The following NEK5 variants were observed in gnomAD, a reference collection of about 807,000 sequenced individuals.
The protein encoded by NEK5 is NIMA related kinase 5.
Under a neutral mutation model 109.2 loss-of-function variants are expected in NEK5, and 88 were observed. That is an observed-to-expected ratio of 0.81 (90% CI 0.68 to 0.96). NEK5 has a LOEUF of 0.96. Ranked by LOEUF, NEK5 falls within the 40% of genes least tolerant of loss-of-function variation. The probability of loss-of-function intolerance (pLI) is 0.00; values close to 1 mark genes in which losing one functional copy is unlikely to be tolerated. For synonymous variants in NEK5, 283 were observed against 299.9 expected, an observed-to-expected ratio of 0.94 and a Z score of 0.58; for missense variants, 834 against 920.7, an observed-to-expected ratio of 0.91 and a Z score of 1.22.
At chr13:52,127,245 C>A in intron 3 of NEK5, 121 bp downstream of exon 3, 1 of 627,326 alleles carries the variant, frequency 1.6e-6, no homozygotes, top group Non-Finnish European at 2.8e-6. Flanking sequence ...GTTGAATTAA[C>A]AAAAATCAAT....
At chr13:52,070,911 G>A (rs1954773761) in intron 20 of NEK5, among the ~76,000 whole-genome samples, 2 of 152,202 alleles carry the variant, frequency 1.3e-5, no homozygotes, top group African/African-American at 4.8e-5. Flanking sequence ...ATTACCCTGT[G>A]TGGTTATTCC....
chr13:52,083,170 C>A (rs1217306089), intron 17 of NEK5, 90 bp downstream of exon 17: 3 of 844,192 alleles, frequency 3.6e-6, no homozygotes, highest in Non-Finnish European at 5.9e-6. Context: ...AAGTTCCCTA[C>A]GTGGTTCTGC....
At chr13:52,080,063 G>A (rs1415962186) in intron 17 of NEK5, among the ~76,000 whole-genome samples, 2 of 150,066 alleles carry the variant, frequency 1.3e-5, no homozygotes, top group Admixed American at 1.3e-4. Flanking sequence ...CCTCCGCCCG[G>A]CAGCCGCCCG....
At chr13:52,063,708 G>A (rs541386955) in intron 21 of NEK5, among the ~76,000 whole-genome samples, 8 of 151,306 alleles carry the variant, frequency 5.3e-5, no homozygotes, top group Admixed American at 2.6e-4. Flanking sequence ...TGTGAGAAGC[G>A]CCTCTGCCCG....
At chr13:52,055,295 T>G (rs1954544389) in intron 22 of NEK5, among the ~76,000 whole-genome samples, 1 of 152,094 alleles carries the variant, frequency 6.6e-6, no homozygotes, top group Non-Finnish European at 1.5e-5. Context: ...AATATGGGAC[T>G]ATGTGAAAAG....
chr13:52,068,244 A>G (rs1391518983), intron 20 of NEK5, among the ~76,000 whole-genome samples: 2 of 151,936 alleles, frequency 1.3e-5, no homozygotes, highest in East Asian at 3.9e-4. Context: ...CTTACTGTCC[A>G]CCCTCCTTAT....
intron 23 of NEK5, among the ~76,000 whole-genome samples, chr13:52,038,825 GAAAAAAA>G (rs1183060212): frequency 3.2e-5 from 3 of 94,566 alleles, no homozygotes; most frequent in Non-Finnish European, 6.0e-5. Context: ...ACACTCATCT[GAAAAAAA>G]AAAAAAAAAA....
chr13:52,127,508 GAATTAGAGTAATGTA>G lies in NEK5; in HGVS notation c.-22-19_-22-5del. 1 of 1,177,616 alleles carries G rather than the reference GAATTAGAGTAATGTA, an allele frequency of 8.5e-7. No individual in the cohort carries two copies. Among genetic ancestry groups the G allele is most frequent in the South Asian group, 1.2e-5 (1 of 80,606 alleles). 72.9% of individuals were successfully genotyped at this position (1,177,616 alleles called of 1,614,324 possible). ...GGTCTCCAATGGGCTGAGTTTCCTG[GAATTAGAGTAATGTA>G]AATTTATCACACACGTCTCATAAAG... On this transcript the variant is annotated splice_polypyrimidine_tract_variant and splice_region_variant and intron_variant, in intron 2 of 23. Coordinates refer to ENST00000684899, the MANE Select transcript of NEK5 (RefSeq NM_001365552.1).
In NEK5 at chr13:52,050,219, T is replaced by A; in HGVS notation, c.2113A>T (p.Met705Leu). 1 of 975,768 alleles carries A rather than the reference T, an allele frequency of 1.0e-6. No individual in the cohort carries two copies. The highest frequency in any genetic ancestry group is 1.2e-6 in the Non-Finnish European group (1 of 820,732). 60.4% of individuals were successfully genotyped at this position (975,768 alleles called of 1,614,324 possible). The change falls in exon 23 of 24, where the codon ATG becomes TTG. Residue 705 changes from methionine (M) to leucine (L), a missense_variant and splice_region_variant. By Grantham distance (15) the Met-to-Leu change is conservative (BLOSUM62 2). Around this residue, in one of 2 missense-constraint regions of NEK5, gnomAD observed 777 missense variants for 824.7 expected, o/e 0.94. Coordinates refer to ENST00000684899, the MANE Select transcript of NEK5 (RefSeq NM_001365552.1). ...GGTAGCCATTGTTTTAATGTTCCCA[T>A]TGCTAAAGAAATGACAGAGAAAGAT... ...SSFSADEEFA[M>L]GTLKQWLPKE...
chr13:52,047,802 T>C (rs979295008), intron 23 of NEK5, among the ~76,000 whole-genome samples: 1 of 151,746 alleles, frequency 6.6e-6, no homozygotes, highest in South Asian at 2.1e-4. Flanking sequence ...ATGATCATGC[T>C]GCCACACTCC....
chr13:52,060,222 C>T (rs1954599851), intron 22 of NEK5, among the ~76,000 whole-genome samples: 1 of 151,940 alleles, frequency 6.6e-6, no homozygotes, highest in Non-Finnish European at 1.5e-5. Flanking sequence ...AATAAAATGT[C>T]CTGTTCCACA....
intron 23 of NEK5, among the ~76,000 whole-genome samples, chr13:52,039,312 C>G (rs960145627): frequency 5.3e-5 from 8 of 152,102 alleles, no homozygotes; most frequent in African/African-American, 1.9e-4. Context: ...AGGAAGCTGA[C>G]CAGGCTTAGG....
At chr13:52,066,569 G>A (rs960097705) in intron 20 of NEK5, among the ~76,000 whole-genome samples, 2 of 152,050 alleles carry the variant, frequency 1.3e-5, no homozygotes, top group African/African-American at 4.8e-5. Context: ...ACTTTGGGAG[G>A]CCGAGGCGGG....
At chr13:52,125,802 A>C (rs1956054559) in intron 3 of NEK5, among the ~76,000 whole-genome samples, 1 of 152,166 alleles carries the variant, frequency 6.6e-6, no homozygotes, top group Admixed American at 6.5e-5. Context: ...CAGTCAGATA[A>C]ACAAAAGAGA....
chr13:52,042,482 T>G (rs1225254834), intron 23 of NEK5, among the ~76,000 whole-genome samples: 1 of 150,466 alleles, frequency 6.6e-6, no homozygotes, highest in Non-Finnish European at 1.5e-5. Flanking sequence ...AAAAAAAAAG[T>G]GTGGGGGACA....
At chr13:52,063,225 G>A (rs374089867) in intron 21 of NEK5, among the ~76,000 whole-genome samples, 6 of 152,166 alleles carry the variant, frequency 3.9e-5, no homozygotes, top group Non-Finnish European at 5.9e-5. Flanking sequence ...GACACGCGTC[G>A]CCACGCCTGA....
chr13:52,062,423 C>T (rs971018411), intron 21 of NEK5, among the ~76,000 whole-genome samples: 8 of 151,018 alleles, frequency 5.3e-5, no homozygotes, highest in Admixed American at 2.0e-4. Flanking sequence ...TCTTTTTTTT[C>T]TTTCTTTCTT....
At position 52,079,640 on chromosome 13, in the gene NEK5, C is replaced by T. The variant is rs1218816722; in HGVS notation, c.1573-3497G>A. On this transcript the variant is annotated intron_variant, in intron 17 of 23. Coordinates refer to ENST00000684899, the MANE Select transcript of NEK5 (RefSeq NM_001365552.1). ...AGGCTGGAGCGCAGTGGCGTGATCT[C>T]GGCTGGCTACAACCTCCACCTCCCA... 3.3e-5 allele frequency among the ~76,000 whole-genome samples: 5 copies of T among 152,402 alleles called. No individual in the cohort carries two copies. In the South Asian group the frequency reaches 8.3e-4, roughly 25 times the overall value.
In NEK5 at chr13:52,071,941, T is replaced by A; in HGVS notation, c.1849+3A>T. 1 of 1,613,212 alleles carries A rather than the reference T, an allele frequency of 6.2e-7. No individual in the cohort carries two copies. The stretch of plus-strand genomic sequence containing the variant: ...TCATTTACAACTTTCAAGAAACACA[T>A]ACCTGCTTCTGGGCAGTGAAGTTTT... On this transcript the variant is annotated splice_donor_region_variant and intron_variant, in intron 20 of 23. Transcript: ENST00000684899.
Sources: allele counts gnomAD v4.1 joint callset (sites outside exome capture counted in the v4.1 genomes callset), GRCh38; gene constraint gnomAD v4.1.1; regional missense constraint gnomAD v4.1.1; transcripts MANE v1.5; gene names NCBI Gene and HGNC (gene_info 2026-07-23, HGNC 2026-07-21).